The following SLC15A3 variants were observed in gnomAD, a reference collection of about 807,000 sequenced individuals.
SLC15A3 encodes the protein osteoclast transporter.
SLC15A3 carries 39 observed loss-of-function variants against 49.2 expected under a neutral mutation model. That is an observed-to-expected ratio of 0.79 (90% CI 0.61 to 1.04). SLC15A3 has a LOEUF of 1.04. SLC15A3 is among the 50% of genes least tolerant of loss of function. The pLI is 0.00. For missense variants in SLC15A3, 758 were observed against 794.8 expected (o/e 0.95, Z 0.56); for synonymous variants, 339 against 367.0 (o/e 0.92, Z 0.87).
intron 6 of SLC15A3, among the ~76,000 whole-genome samples, chr11:60,939,051 C>T (rs959131073): frequency 5.3e-5 from 8 of 152,166 alleles, no homozygotes; most frequent in South Asian, 2.1e-4. Flanking sequence ...TACTATGACC[C>T]AGAGTACTGT....
chr11:60,940,118 T>C (rs1260306974), intron 5 of SLC15A3: 3 of 163,478 alleles, frequency 1.8e-5, no homozygotes, highest in African/African-American at 7.2e-5. Context: ...ATTGCTGTAG[T>C]GTTTCTAACC....
intron 3 of SLC15A3, chr11:60,942,352 T>G: frequency 1.9e-6 from 1 of 528,416 alleles, no homozygotes; most frequent in Non-Finnish European, 3.4e-6. Context: ...CTCAGGCCTG[T>G]AGGCAGTGCG....
chr11:60,947,264 C>T (rs1811063282), intron 1 of SLC15A3, among the ~76,000 whole-genome samples: 1 of 152,090 alleles, frequency 6.6e-6, no homozygotes, highest in South Asian at 2.1e-4. Flanking sequence ...ACTGCAAGCT[C>T]CACCTTCCGG....
rs570963010 is a variant in SLC15A3 at position 60,952,086 on chromosome 11, C to T, written c.-535G>A. On this transcript the variant is annotated 5_prime_UTR_variant, in exon 1 of 8. Coordinates refer to ENST00000227880, the MANE Select transcript of SLC15A3 (RefSeq NM_016582.3). ...TTCTCCACCTCCTCCCTGTCCCCCT[C>T]ACCCCCACTGCCTACACTCCCCTCT... Among the ~76,000 whole-genome samples the T allele has an allele frequency of 6.6e-6, 1 of 151,706 alleles. No homozygotes were observed. The highest frequency in any genetic ancestry group is 2.0e-4 in the East Asian group (1 of 5,120).
chr11:60,950,970 C>A (rs1174608809), intron 1 of SLC15A3, 24 bp downstream of exon 1: 11 of 1,412,298 alleles, frequency 7.8e-6, no homozygotes, highest in South Asian at 1.5e-5. Flanking sequence ...CGGAGTATGC[C>A]GGGGCAGGCC....
rs1236747558 is a variant in SLC15A3, at chr11:60,939,513, T to G, written c.1402A>C (p.Ile468Leu). ...CTGGCAAAGATCTCACTGATCCCAATGAGCAGGTACTGAGGGATCTGCCAC... is the reference window on the plus strand; with the variant it reads ...CTGGCAAAGATCTCACTGATCCCAAGGAGCAGGTACTGAGGGATCTGCCAC... ...IWWQIPQYLL[I>L]GISEIFASIP... is the part of the protein sequence containing the mutation. Residue 468 changes from isoleucine (I) to leucine (L), a missense_variant, in exon 6 of 8, where the codon ATT becomes CTT. Ile to Leu is a conservative substitution (Grantham distance 5, BLOSUM62 2). Transcript: ENST00000227880. 6.2e-7 allele frequency: 1 copy of G among 1,614,164 alleles called. No homozygotes were observed. The highest frequency in any genetic ancestry group is 8.5e-7 in the Non-Finnish European group (1 of 1,180,014).
intron 3 of SLC15A3, 153 bp from the exon 4 acceptor site, chr11:60,942,298 C>A (rs915697102): frequency 1.7e-5 from 11 of 630,018 alleles, no homozygotes; most frequent in Non-Finnish European, 2.8e-5. Context: ...ACCCTCCTTT[C>A]TCCTAGGTAG....
intron 1 of SLC15A3, 94 bp downstream of exon 1, chr11:60,950,900 A>C (rs1172864491): frequency 4.0e-6 from 5 of 1,264,814 alleles, no homozygotes; most frequent in Non-Finnish European, 5.1e-6. Context: ...TAGTGCAGGC[A>C]GGGGACCTGG....
rs745432527 is a variant in SLC15A3 at position 60,939,578 on chromosome 11, A to G, written c.1337T>C (p.Ile446Thr). ...TGCCGCGTTGTACAGGACCTCCCCA[A>G]TCTGCTGGGACACGGTCTCGTTGTG... ...IHHNETVSQQ[I>T]GEVLYNAAPL... is the part of the protein sequence containing the mutation. Residue 446 changes from isoleucine (I) to threonine (T), a missense_variant, in exon 6 of 8, where the codon ATT (isoleucine) becomes ACT (threonine). Transcript: ENST00000227880. 8.7e-6 allele frequency: 14 copies of G among 1,614,004 alleles called. No homozygotes were observed. The highest frequency in any genetic ancestry group is 8.3e-5 in the Admixed American group (5 of 60,002).
chr11:60,947,026 A>C (rs1314204482), intron 1 of SLC15A3, among the ~76,000 whole-genome samples: 1 of 152,184 alleles, frequency 6.6e-6, no homozygotes, highest in African/African-American at 2.4e-5. Context: ...TCACTTGCTA[A>C]AGATCAGGAC....
Position 60,939,538 on chromosome 11 carries a change from C to G in SLC15A3, c.1377G>C (p.Trp459Cys). The change falls in exon 6 of 8, where the codon TGG becomes TGC. Residue 459 changes from tryptophan to cysteine, a missense_variant. Transcript: ENST00000227880. Reference protein sequence around the residue: ...VLYNAAPLSIWWQIPQYLLIG... With the variant: ...VLYNAAPLSICWQIPQYLLIG... ...TGAGCAGGTACTGAGGGATCTGCCA[C>G]CAGATGGACAGTGGTGCCGCGTTGT... The G allele has an allele frequency of 6.2e-7, 1 of 1,614,176 alleles. No homozygotes were observed. Among genetic ancestry groups the G allele is most frequent in the Non-Finnish European group, 8.5e-7 (1 of 1,180,016 alleles).
At chr11:60,940,906 T>G in intron 5 of SLC15A3, 1 of 440,424 alleles carries the variant, frequency 2.3e-6, no homozygotes, top group Non-Finnish European at 4.0e-6. Context: ...AAATATTTGT[T>G]CCTCTCTCGG....
In SLC15A3 at chr11:60,951,119, AG is replaced by A. The variant is rs1241214984; in HGVS notation, c.432del (p.Ser145ArgfsTer43). 2 of 1,479,194 alleles carry A rather than the reference AG, an allele frequency of 1.4e-6. No individual in the cohort carries two copies. The highest frequency in any genetic ancestry group is 2.9e-5 in the African/African-American group (2 of 67,812). 91.6% of individuals were successfully genotyped at this position (1,479,194 alleles called of 1,614,324 possible). On this transcript the variant is annotated frameshift_variant, in exon 1 of 8. Coordinates refer to ENST00000227880, the MANE Select transcript of SLC15A3 (RefSeq NM_016582.3). LOFTEE classifies it high-confidence loss of function. ...MPASPLGPAC[P>X]SAGCPRSSPS... is the part of the protein sequence containing the mutation. The stretch of plus-strand genomic sequence containing the variant: ...GGCGAGGAGCGCGGGCAGCCGGCCG[AG>A]GGGCAGGCAGGTCCCAGCGGCGACG...
chr11:60,940,850 A>G (rs923849512), intron 5 of SLC15A3: 2 of 318,000 alleles, frequency 6.3e-6, no homozygotes, highest in Non-Finnish European at 1.1e-5. Flanking sequence ...GAATAAAAAA[A>G]GAAAAACTAT....
chr11:60,940,803 A>C (rs373476617), intron 5 of SLC15A3: 18 of 194,584 alleles, frequency 9.3e-5, no homozygotes, highest in African/African-American at 3.7e-4. Flanking sequence ...TTCATTCAAC[A>C]CATTTATGGA....
intron 7 of SLC15A3, 94 bp from the exon 8 acceptor site, chr11:60,937,467 A>G (rs1856636562): frequency 6.6e-7 from 1 of 1,523,716 alleles, no homozygotes; most frequent in Non-Finnish European, 9.0e-7. Context: ...CTGGCAACTG[A>G]GGCCATGTGG....
chr11:60,943,934 G>T, intron 2 of SLC15A3, 98 bp from the exon 3 acceptor site: 1 of 1,214,276 alleles, frequency 8.2e-7, no homozygotes, highest in Non-Finnish European at 1.1e-6. Context: ...GAGGCGGGTG[G>T]ATCACCTGAG....
intron 1 of SLC15A3, among the ~76,000 whole-genome samples, chr11:60,947,385 T>A (rs1856820034): frequency 6.6e-6 from 1 of 152,174 alleles, no homozygotes; most frequent in Admixed American, 6.5e-5. Context: ...TTCACCTTGT[T>A]AGCCAGGATG....
rs982230386 is a variant in SLC15A3, at chr11:60,937,989, A to C, written c.1472T>G (p.Met491Arg). 4 of 1,613,998 alleles carry C rather than the reference A, an allele frequency of 2.5e-6. No homozygotes were observed. The Admixed American group carries it at 5.0e-5, about 20-fold the overall frequency. ...GAAGATGCCCATGATGGCGCCCTGC[A>C]TGGAGCGCGGGGCCTCTGAGTAGGC... The part of the protein sequence containing the change: ...EFAYSEAPRS[M>R]QGAIMGIFFC... The change falls in exon 7 of 8, where the codon ATG becomes AGG. Residue 491 changes from methionine (M) to arginine (R), a missense_variant. Coordinates refer to ENST00000227880, the MANE Select transcript of SLC15A3 (RefSeq NM_016582.3).
Sources: allele counts gnomAD v4.1 joint callset (sites outside exome capture counted in the v4.1 genomes callset), GRCh38; gene constraint gnomAD v4.1.1; transcripts MANE v1.5; gene names NCBI Gene and HGNC (gene_info 2026-07-23, HGNC 2026-07-21).